Variants in SBNO1 observed in about 807,000 individuals in gnomAD.
The protein encoded by SBNO1 is strawberry notch homolog 1, also known as protein strawberry notch homolog 1.
SBNO1 carries 23 observed loss-of-function variants against 173.6 expected under a neutral mutation model. The observed-to-expected ratio is 0.13, with a 90% CI of 0.10 to 0.19. SBNO1 has a LOEUF of 0.19. SBNO1 is among the 10% of genes least tolerant of loss of function. The pLI, the probability that SBNO1 is intolerant of heterozygous loss-of-function variation, is 1.00. For synonymous variants in SBNO1, 632 were observed against 571.5 expected (o/e 1.11, Z -1.51); for missense variants, 1,238 against 1,671.2 (o/e 0.74, Z 4.52).
chr12:123,300,913 C>G (rs554192156), intron 30 of SBNO1, among the ~76,000 whole-genome samples: 1 of 147,572 alleles, frequency 6.8e-6, no homozygotes, highest in Admixed American at 6.8e-5. Context: ...GAGCTGAGAT[C>G]GTGCCACTGC....
chr12:123,299,838 A>G (rs2048728237), intron 30 of SBNO1, among the ~76,000 whole-genome samples: 1 of 152,156 alleles, frequency 6.6e-6, no homozygotes, highest in African/African-American at 2.4e-5. Context: ...TCTGTTTAAA[A>G]AAGAAAAAAG....
At chr12:123,328,991 G>A (rs1870882911) in intron 9 of SBNO1, 96 bp from the exon 10 acceptor site, 4 of 677,144 alleles carry the variant, frequency 5.9e-6, no homozygotes, top group Non-Finnish European at 9.4e-6. Context: ...ACTCTTGTTA[G>A]GCCCATGACA....
chr12:123,305,535 C>T (rs938363746), intron 28 of SBNO1, among the ~76,000 whole-genome samples: 2 of 152,046 alleles, frequency 1.3e-5, no homozygotes, highest in South Asian at 2.1e-4. Flanking sequence ...CACAAGGGCG[C>T]GATCTCGGCT....
intron 25 of SBNO1, 57 bp downstream of exon 25, chr12:123,310,998 A>T: frequency 8.1e-7 from 1 of 1,229,122 alleles, no homozygotes. Context: ...CATATATCAT[A>T]ATGGACTTTA....
chr12:123,346,860 C>G (rs1255806188), intron 3 of SBNO1, among the ~76,000 whole-genome samples: 1 of 151,816 alleles, frequency 6.6e-6, no homozygotes, highest in African/African-American at 2.4e-5. Context: ...GGCACATTAC[C>G]TGAGGTCAGG....
intron 15 of SBNO1, among the ~76,000 whole-genome samples, chr12:123,324,185 T>C (rs1210524205): frequency 2.0e-5 from 3 of 151,660 alleles, no homozygotes; most frequent in East Asian, 1.9e-4. Flanking sequence ...AGTACACATA[T>C]AATAACATCT....
intron 31 of SBNO1, among the ~76,000 whole-genome samples, chr12:123,296,472 G>T (rs558421197): frequency 1.4e-5 from 2 of 144,700 alleles, no homozygotes; most frequent in South Asian, 4.5e-4. Context: ...ATACTCTCTG[G>T]GTGCTGGTTA....
chr12:123,330,599 T>TA (rs62719360), intron 8 of SBNO1, 90 bp from the exon 9 acceptor site: 481 of 505,520 alleles, frequency 9.5e-4, no homozygotes, highest in East Asian at 2.5e-3. Context: ...TCTTGACACT[T>TA]AAAAAAAAAA....
At chr12:123,296,126 A>T in intron 31 of SBNO1, 76 bp from the exon 32 acceptor site, 3 of 888,926 alleles carry the variant, frequency 3.4e-6, no homozygotes, top group Non-Finnish European at 3.6e-6. Context: ...CAGATTCCAA[A>T]TGAGGCATAA....
At chr12:123,364,487 G>A (rs1329804810) in intron 1 of SBNO1, 4 of 983,842 alleles carry the variant, frequency 4.1e-6, no homozygotes, top group Non-Finnish European at 2.4e-6. Context: ...GACGAACAGA[G>A]GAAGCGAGTA....
At chr12:123,305,358 C>T (rs1448467536) in intron 28 of SBNO1, among the ~76,000 whole-genome samples, 2 of 152,118 alleles carry the variant, frequency 1.3e-5, no homozygotes, top group Admixed American at 1.3e-4. Context: ...CTGTAAACAT[C>T]AAAGCTGCTA....
chr12:123,363,889 G>A (rs562799760), intron 1 of SBNO1: 9 of 985,448 alleles, frequency 9.1e-6, no homozygotes, highest in Non-Finnish European at 1.1e-5. Context: ...CAATCAGAAG[G>A]GTTTAGGAAC....
intron 29 of SBNO1, among the ~76,000 whole-genome samples, chr12:123,303,587 TAC>T (rs2048845358): frequency 6.6e-6 from 1 of 152,200 alleles, no homozygotes; most frequent in South Asian, 2.1e-4. Context: ...AGGCGGAGGT[TAC>T]AGTGAGCCAA....
intron 28 of SBNO1, among the ~76,000 whole-genome samples, chr12:123,308,567 G>A (rs2048979803): frequency 6.6e-6 from 1 of 152,152 alleles, no homozygotes; most frequent in South Asian, 2.1e-4. Flanking sequence ...TGCTACTCTC[G>A]GGAGGCTGAG....
At chr12:123,354,523 C>T (rs942742437) in intron 1 of SBNO1, among the ~76,000 whole-genome samples, 1 of 152,038 alleles carries the variant, frequency 6.6e-6, no homozygotes, top group Non-Finnish European at 1.5e-5. Flanking sequence ...GAACATCTAT[C>T]CCATTCTCTA....
intron 1 of SBNO1, among the ~76,000 whole-genome samples, chr12:123,361,250 A>G (rs895342824): frequency 6.6e-6 from 1 of 150,876 alleles, no homozygotes; most frequent in Non-Finnish European, 1.5e-5. Context: ...TCTCAAAAAA[A>G]TAAAAAATAG....
In SBNO1 at chr12:123,295,691, A is replaced by AG. The variant is rs1566017492; in HGVS notation, c.*216dup. ...GAAGTAAAAGCAGATGGGAATTATC[A>AG]GGGGAGAAGCTAAAGGAAAGACATA... On this transcript the variant is annotated 3_prime_UTR_variant, in exon 32 of 32. Transcript: ENST00000602398. 3.7e-6 allele frequency: 2 copies of AG among 545,590 alleles called. No homozygotes were observed. The highest frequency in any genetic ancestry group is 6.5e-6 in the Non-Finnish European group (2 of 306,002). 33.8% of individuals were successfully genotyped at this position (545,590 alleles called of 1,614,324 possible).
chr12:123,337,733 T>C (rs1229152686), intron 5 of SBNO1, among the ~76,000 whole-genome samples: 1 of 152,214 alleles, frequency 6.6e-6, no homozygotes, highest in African/African-American at 2.4e-5. Flanking sequence ...GTTATTTAAT[T>C]GTGTAGTCTG....
At chr12:123,319,287 T>C (rs767726089) in intron 20 of SBNO1, among the ~76,000 whole-genome samples, 1 of 151,660 alleles carries the variant, frequency 6.6e-6, no homozygotes, top group African/African-American at 2.4e-5. Context: ...TTTTATATCA[T>C]GATTAAATAT....
Sources: allele counts gnomAD v4.1 joint callset (sites outside exome capture counted in the v4.1 genomes callset), GRCh38; gene constraint gnomAD v4.1.1; transcripts MANE v1.5; gene names NCBI Gene and HGNC (gene_info 2026-07-23, HGNC 2026-07-21).